The following GTF3C5 variants were observed in gnomAD, a reference collection of about 807,000 sequenced individuals.
GTF3C5 encodes general transcription factor 3C polypeptide 5.
Under a neutral mutation model 61.0 loss-of-function variants are expected in GTF3C5, and 47 were observed. The observed-to-expected ratio is 0.77, with a 90% CI of 0.61 to 0.98. The LOEUF is 0.98. Among genes scored for constraint, GTF3C5 ranks in the 50% least tolerant of loss-of-function variants. GTF3C5 has a pLI of 0.00. For synonymous variants in GTF3C5, 295 were observed against 275.4 expected (o/e 1.07, Z -0.71); for missense variants, 659 against 703.3 (o/e 0.94, Z 0.71).
chr9:133,030,908 G>A (rs1588457825), upstream of GTF3C5: 2 of 1,319,008 alleles, frequency 1.5e-6, no homozygotes, highest in African/African-American at 2.9e-5. Flanking sequence ...GATGACGCGA[G>A]CGGTGAGGGA....
At chr9:133,031,211 A>G in intron 1 of GTF3C5, 47 bp downstream of exon 1, 1 of 1,483,950 alleles carries the variant, frequency 6.7e-7, no homozygotes, top group South Asian at 1.2e-5. Context: ...TCGGAGTCGC[A>G]AAGAAAACGA....
At chr9:133,053,792 A>T in intron 5 of GTF3C5, 36 bp from the exon 6 acceptor site, 34 of 1,369,782 alleles carry the variant, frequency 2.5e-5, no homozygotes, top group Non-Finnish European at 3.2e-5. Context: ...CTGGGCCTTC[A>T]CCTCACCTCA....
Position 133,057,864 on chromosome 9 carries a change from T to C in GTF3C5, c.1444T>C (p.Tyr482His). The C allele has an allele frequency of 6.2e-7, 1 of 1,613,398 alleles. No individual in the cohort carries two copies. Among genetic ancestry groups the C allele is most frequent in the African/African-American group, 1.3e-5 (1 of 74,988 alleles). The part of the protein sequence containing the change: ...KADGGKEQLT[Y>H]ESGEDEEDEE... ...TGATGGCGGAAAAGAGCAGCTGACGTACGAGTCTGGGGAAGACGAGGAGGA... is the reference window on the plus strand; with the variant it reads ...TGATGGCGGAAAAGAGCAGCTGACGCACGAGTCTGGGGAAGACGAGGAGGA... Residue 482 changes from tyrosine to histidine, a missense_variant, in exon 11 of 11, where the codon TAC becomes CAC. Transcript: ENST00000372097.
intron 1 of GTF3C5, among the ~76,000 whole-genome samples, chr9:133,034,911 C>A (rs1373034544): frequency 6.6e-6 from 1 of 152,172 alleles, no homozygotes; most frequent in Non-Finnish European, 1.5e-5. Flanking sequence ...AGGGGATAAG[C>A]CAACATCTTT....
chr9:133,037,135 G>A (rs754036027), intron 1 of GTF3C5, among the ~76,000 whole-genome samples: 14 of 152,112 alleles, frequency 9.2e-5, no homozygotes, highest in Non-Finnish European at 1.5e-4. Flanking sequence ...TGTTGCTTCC[G>A]TCCGGAATGG....
chr9:133,052,212 T>C, intron 5 of GTF3C5, 48 bp downstream of exon 5: 1 of 988,514 alleles, frequency 1.0e-6, no homozygotes, highest in Non-Finnish European at 1.6e-6. Flanking sequence ...ACCCATGTGG[T>C]CCCTGGTCCC....
chr9:133,034,403 T>G (rs4466514), intron 1 of GTF3C5, among the ~76,000 whole-genome samples: 9,453 of 152,184 alleles, frequency 0.062, 467 homozygotes, highest in African/African-American at 0.14. Context: ...TAAGAACAAG[T>G]GTCGAACTGA....
intron 4 of GTF3C5, among the ~76,000 whole-genome samples, chr9:133,051,228 A>T (rs1031157208): frequency 6.6e-6 from 1 of 152,246 alleles, no homozygotes; most frequent in African/African-American, 2.4e-5. Context: ...TTCAGATGTG[A>T]CATAAACGTG....
chr9:133,045,324 T>C (rs1455106970), intron 3 of GTF3C5, among the ~76,000 whole-genome samples: 2 of 152,162 alleles, frequency 1.3e-5, no homozygotes, highest in African/African-American at 2.4e-5. Context: ...CAGCGCCACG[T>C]CCCGCCGGCA....
rs1181672008 is a variant in GTF3C5, at chr9:133,058,142, G to C, written c.*162G>C. On this transcript the variant is annotated 3_prime_UTR_variant, in exon 11 of 11. Coordinates refer to ENST00000372097, the MANE Select transcript of GTF3C5 (RefSeq NM_012087.4). ...AAGGGTGCAGCTGACCCTAGCACTG[G>C]CTGTGACATGCTGCTTGGTGCTGCC... 8.9e-6 allele frequency: 13 copies of C among 1,453,078 alleles called. No individual in the cohort carries two copies. In the East Asian group the frequency reaches 3.0e-4, roughly 34 times the overall value. The allele number at this position is 1,453,078 out of a possible 1,614,324, so 90.0% of individuals were successfully genotyped here.
rs1206961315 is a variant in GTF3C5, at chr9:133,031,103, G to T, written c.92G>T (p.Gly31Val). The change falls in exon 1 of 11, where the codon GGA (glycine) becomes GTA (valine). Residue 31 changes from glycine to valine, a missense_variant. Coordinates refer to ENST00000372097, the MANE Select transcript of GTF3C5 (RefSeq NM_012087.4). ...ERRMVCVEYP[G>V]VVRDVAKMLP... ...CGCATGGTGTGCGTGGAGTACCCGG[G>T]AGTGGTGCGTGATGTGGCTAAGATG... 1 of 1,606,816 alleles carries T rather than the reference G, an allele frequency of 6.2e-7. No homozygotes were observed. Among genetic ancestry groups the T allele is most frequent in the Non-Finnish European group, 8.5e-7 (1 of 1,176,040 alleles).
intron 9 of GTF3C5, 100 bp downstream of exon 9, chr9:133,056,194 C>T (rs1829934092): frequency 1.1e-5 from 10 of 933,530 alleles, no homozygotes; most frequent in South Asian, 4.5e-5. Context: ...CCTTCATCTC[C>T]GGCAAGAGCA....
chr9:133,057,909 G>C lies in GTF3C5; in HGVS notation c.1489G>C (p.Glu497Gln). 6.2e-7 allele frequency: 1 copy of C among 1,613,910 alleles called. No individual in the cohort carries two copies. The highest frequency in any genetic ancestry group is 1.1e-5 in the South Asian group (1 of 91,080). ...GGAGGATGAGGAGGAGGAGGAAGAG[G>C]AGGAGGAGGACTTCAAGCCATCCGA... ...DEEDEEEEEE[E>Q]EEDFKPSDGS... Residue 497 changes from glutamate (E) to glutamine (Q), a missense_variant, in exon 11 of 11, where the codon GAG becomes CAG. Physicochemically the swap from Glu to Gln is conservative, Grantham distance 29. Coordinates refer to ENST00000372097, the MANE Select transcript of GTF3C5 (RefSeq NM_012087.4).
Position 133,056,041 on chromosome 9 carries a change from C to T in GTF3C5, c.1197C>T (p.Ala399=). 1 of 1,614,150 alleles carries T rather than the reference C, an allele frequency of 6.2e-7. No individual in the cohort carries two copies. ...KDSVYIFREG[A]LPPYRQMFYQ... is the part of the protein sequence containing the mutation. ...CTGTCTACATCTTCCGGGAAGGGGC[C>T]TTGCCACCCTATCGGCAGATGTTCT... The change falls in exon 9 of 11, where the codon GCC becomes GCT. Residue 399 remains alanine, a synonymous_variant. Coordinates refer to ENST00000372097, the MANE Select transcript of GTF3C5 (RefSeq NM_012087.4).
At position 133,058,291 on chromosome 9, in the gene GTF3C5, C is replaced by T. The variant is rs1256122316; in HGVS notation, c.*311C>T. 2 of 444,688 alleles carry T rather than the reference C, an allele frequency of 4.5e-6. No individual in the cohort carries two copies. Among genetic ancestry groups the T allele is most frequent in the Non-Finnish European group, 6.6e-6 (2 of 302,972 alleles). The allele number at this position is 444,688 out of a possible 1,614,324, so 27.5% of individuals were successfully genotyped here. A position where few individuals can be genotyped will look rare whatever the true frequency, so the allele number is the denominator to read the frequency against. ...CCTCTCAGGATGAGACCAGTAAATGCCGGAGGTGGAGCTGGGCAGCTGTGG... is the reference window on the plus strand; with the variant it reads ...CCTCTCAGGATGAGACCAGTAAATGTCGGAGGTGGAGCTGGGCAGCTGTGG... On this transcript the variant is annotated 3_prime_UTR_variant, in exon 11 of 11. Coordinates refer to ENST00000372097, the MANE Select transcript of GTF3C5 (RefSeq NM_012087.4).
intron 3 of GTF3C5, among the ~76,000 whole-genome samples, chr9:133,047,678 C>T (rs752129570): frequency 2.0e-5 from 3 of 152,136 alleles, no homozygotes; most frequent in Non-Finnish European, 2.9e-5. Flanking sequence ...CGCGCCATCA[C>T]GCCCAGCTAA....
At chr9:133,038,001 G>T in intron 1 of GTF3C5, among the ~76,000 whole-genome samples, 1 of 152,164 alleles carries the variant, frequency 6.6e-6, no homozygotes, top group East Asian at 1.9e-4. Context: ...GAGTTGGACC[G>T]CACAATCTAA....
chr9:133,036,662 C>G (rs1849870471), intron 1 of GTF3C5, among the ~76,000 whole-genome samples: 1 of 152,068 alleles, frequency 6.6e-6, no homozygotes, highest in South Asian at 2.1e-4. Flanking sequence ...TGGATTTCTT[C>G]AGAGGTCCAC....
chr9:133,035,429 C>T (rs1429861833), intron 1 of GTF3C5, among the ~76,000 whole-genome samples: 1 of 152,156 alleles, frequency 6.6e-6, no homozygotes, highest in African/African-American at 2.4e-5. Context: ...CTATCTGTAA[C>T]TTGTCTTTCC....
Sources: gnomAD v4.1 joint callset for allele counts (sites outside exome capture counted in the v4.1 genomes callset) on GRCh38, gnomAD v4.1.1 for gene constraint, MANE v1.5 for transcripts, NCBI Gene and HGNC (gene_info 2026-07-23, HGNC 2026-07-21) for gene names.